Variants in GSE1 observed in about 807,000 individuals in gnomAD.
GSE1 encodes Gse1 coiled-coil protein.
Under a neutral mutation model 112.6 loss-of-function variants are expected in GSE1, and 32 were observed. The ratio of observed to expected loss-of-function variants is 0.28; its 90% CI spans 0.21 to 0.38. GSE1 has a LOEUF of 0.38. GSE1 is among the 10% of genes least tolerant of loss of function. The pLI is 1.00. For missense variants in GSE1, 2,348 were observed against 1,699.2 expected (o/e 1.38, Z -6.71); for synonymous variants, 1,115 against 735.6 (o/e 1.52, Z -8.35).
At chr16:85,613,290 G>A, upstream of GSE1, 1 of 1,539,916 alleles carries the variant, frequency 6.5e-7, no homozygotes, top group Non-Finnish European at 8.8e-7. Context: ...GGCCCGAGCT[G>A]CCGCCGCCGA....
rs188500856 is a variant in GSE1 at position 85,402,541 on chromosome 16, G to A, written c.2464+44898G>A. Reference sequence around the variant, plus strand: ...AGTGGCCTGCAAGCCATGTGGAGCCGGGGCTGGGACATCACAGGGCGGCAC... The same window carrying A: ...AGTGGCCTGCAAGCCATGTGGAGCCAGGGCTGGGACATCACAGGGCGGCAC... On this transcript the variant is annotated intron_variant, in intron 2 of 2. Transcript: ENST00000637419. Among the ~76,000 whole-genome samples the A allele has an allele frequency of 2.7e-3, 408 of 152,334 alleles. 3 individuals carry two copies. The highest frequency in any genetic ancestry group is 9.6e-3 in the African/African-American group (400 of 41,580).
intron 1 of GSE1, among the ~76,000 whole-genome samples, chr16:85,619,484 G>A (rs907747492): frequency 6.6e-6 from 1 of 152,224 alleles, no homozygotes; most frequent in African/African-American, 2.4e-5. Context: ...TTATCTTCTG[G>A]GTTGGGGGGC....
At chr16:85,240,773 T>C (rs147100343) in intron 1 of GSE1, among the ~76,000 whole-genome samples, 308 of 152,320 alleles carry the variant, frequency 2.0e-3, no homozygotes, top group Admixed American at 4.0e-3. Flanking sequence ...CGCTCAGGAC[T>C]TCGTCTCTCT....
intron 1 of GSE1, among the ~76,000 whole-genome samples, chr16:85,248,383 C>T (rs1409843792): frequency 5.3e-5 from 8 of 152,106 alleles, no homozygotes; most frequent in Non-Finnish European, 5.9e-5. Flanking sequence ...TATCTCTCCC[C>T]TTTTTTCCCT....
intron 2 of GSE1, among the ~76,000 whole-genome samples, chr16:85,478,835 TTTATTTTCTTTCTTTC>T: frequency 1.4e-5 from 2 of 141,192 alleles, no homozygotes; most frequent in South Asian, 4.7e-4. Flanking sequence ...GCCCCGCTCA[TTTATTTTCTTTCTTTC>T]TTTCTTTCTT....
chr16:85,443,506 C>A (rs564114047), intron 2 of GSE1, among the ~76,000 whole-genome samples: 1 of 152,192 alleles, frequency 6.6e-6, no homozygotes, highest in Non-Finnish European at 1.5e-5. Flanking sequence ...TCCACCTGGC[C>A]CATGGTAATG....
chr16:85,265,871 G>A (rs1033799441), intron 1 of GSE1, among the ~76,000 whole-genome samples: 5 of 152,146 alleles, frequency 3.3e-5, no homozygotes, highest in Non-Finnish European at 7.4e-5. Context: ...CCAGGTCCAC[G>A]GTCACAGGGC....
chr16:85,624,237 C>T (rs1274870705), intron 1 of GSE1, among the ~76,000 whole-genome samples: 1 of 152,220 alleles, frequency 6.6e-6, no homozygotes, highest in Non-Finnish European at 1.5e-5. Context: ...CCTGCCTGGA[C>T]ACCTTGGACC....
intron 2 of GSE1, among the ~76,000 whole-genome samples, chr16:85,429,368 A>T (rs574076290): frequency 6.6e-6 from 1 of 152,224 alleles, no homozygotes; most frequent in Non-Finnish European, 1.5e-5. Flanking sequence ...GAGCTTCTCC[A>T]TGCAGGAGTT....
At chr16:85,647,589 ACTT>A (rs1251045209) in intron 2 of GSE1, among the ~76,000 whole-genome samples, 2 of 151,776 alleles carry the variant, frequency 1.3e-5, no homozygotes, top group African/African-American at 2.4e-5. Context: ...GGTGCTGACC[ACTT>A]CTTTTTTTGT....
intron 2 of GSE1, among the ~76,000 whole-genome samples, chr16:85,480,026 G>A (rs1053589866): frequency 6.6e-6 from 1 of 152,216 alleles, no homozygotes; most frequent in African/African-American, 2.4e-5. Flanking sequence ...GACGGGTGAT[G>A]TTTCTCTGCC....
chr16:85,307,456 C>T (rs889618053), intron 1 of GSE1, among the ~76,000 whole-genome samples: 65 of 152,190 alleles, frequency 4.3e-4, no homozygotes, highest in African/African-American at 1.5e-3. Context: ...GCTGCACTCA[C>T]AGTTATAGTT....
At chr16:85,396,455 C>T (rs1160626701) in intron 2 of GSE1, among the ~76,000 whole-genome samples, 2 of 152,256 alleles carry the variant, frequency 1.3e-5, no homozygotes, top group African/African-American at 4.8e-5. Context: ...ACCTCCCCAG[C>T]ACCCAAGTCT....
intron 2 of GSE1, among the ~76,000 whole-genome samples, chr16:85,438,410 G>A (rs907039843): frequency 1.3e-4 from 20 of 152,178 alleles, no homozygotes; most frequent in Non-Finnish European, 1.8e-4. Flanking sequence ...TGGTACCCGC[G>A]CCTGCCCAGA....
rs886273975 is a variant in GSE1 at position 85,280,914 on chromosome 16, C to T, written c.2284-76549C>T. On this transcript the variant is annotated intron_variant, in intron 1 of 2. Coordinates refer to the GSE1 transcript ENST00000637419. ...ACAAGGAGAGGGTCCCGTGGGTCCT[C>T]GGGCTGAATTGGAACCAGGTCCTGG... Among the ~76,000 whole-genome samples the T allele has an allele frequency of 5.3e-5, 8 of 152,150 alleles. No homozygotes were observed. The East Asian group carries it at 5.8e-4, about 11-fold the overall frequency.
In GSE1 at chr16:85,666,153, C is replaced by T; in HGVS notation, c.2936C>T (p.Ala979Val). 2 of 1,613,336 alleles carry T rather than the reference C, an allele frequency of 1.2e-6. No homozygotes were observed. The highest frequency in any genetic ancestry group is 1.3e-5 in the African/African-American group (1 of 75,054). ...ASGEKARLSEAPGGKKSLSML... is the reference protein window; with the variant it reads ...ASGEKARLSEVPGGKKSLSML... The stretch of plus-strand genomic sequence containing the variant: ...GGGGAGAAGGCCAGGCTGAGCGAGG[C>T]CCCTGGAGGCAAAAAGAGTCTGAGC... Residue 979 changes from alanine (A) to valine (V), a missense_variant, in exon 13 of 16, where the codon GCC (alanine) becomes GTC (valine). Physicochemically the swap from Ala to Val is moderately conservative, Grantham distance 64. Transcript: ENST00000253458.
At chr16:85,278,122 G>A (rs1250656936) in intron 1 of GSE1, among the ~76,000 whole-genome samples, 2 of 152,248 alleles carry the variant, frequency 1.3e-5, no homozygotes, top group African/African-American at 2.4e-5. Context: ...AGAAGATGGA[G>A]GAGAGGGGTC....
chr16:85,169,897 G>T (rs2074330258), exon 1 of GSE1: 1 of 984,296 alleles, frequency 1.0e-6, no homozygotes, highest in African/African-American at 1.8e-5. Flanking sequence ...CGACGCGGGC[G>T]CAGGCGGCCG....
In GSE1 at chr16:85,545,771, GGTTT is replaced by G. The variant is rs566380480; in HGVS notation, c.2465-88118_2465-88115del. 1.4e-3 allele frequency among the ~76,000 whole-genome samples: 216 copies of G among 151,392 alleles called. 1 individual carries two copies. Among genetic ancestry groups the G allele is most frequent in the South Asian group, 0.012 (57 of 4,724 alleles). On this transcript the variant is annotated intron_variant, in intron 2 of 2. Transcript: ENST00000637419. Reference sequence around the variant, plus strand: ...GTATGTGTTGTTAGTTTGTTTTTTTGGTTTGTTTGTTTGTTTGTTTGTTTGTTTT... The same window carrying G: ...GTATGTGTTGTTAGTTTGTTTTTTTGGTTTGTTTGTTTGTTTGTTTGTTTT...
Sources: gnomAD v4.1 joint callset for allele counts (sites outside exome capture counted in the v4.1 genomes callset) on GRCh38, gnomAD v4.1.1 for gene constraint, MANE v1.5 for transcripts, NCBI Gene and HGNC (gene_info 2026-07-23, HGNC 2026-07-21) for gene names.